DNAJC5B: variants seen among roughly 807,000 people sequenced by gnomAD.
DNAJC5B encodes DnaJ heat shock protein family (Hsp40) member C5 beta, also known as dnaJ homolog subfamily C member 5B.
A neutral mutation model predicts 24.7 loss-of-function variants in DNAJC5B; 23 were observed. The observed-to-expected ratio is 0.93, with a 90% confidence interval of 0.67 to 1.32. The LOEUF (loss-of-function observed/expected upper bound fraction) is 1.32, where lower values mean the gene tolerates loss of function less well. Ranked by LOEUF, DNAJC5B falls within the 40% of genes most tolerant of loss-of-function variation. DNAJC5B has a pLI of 0.00. For synonymous variants in DNAJC5B, 101 were observed against 90.1 expected, an observed-to-expected ratio of 1.12 and a Z score of -0.68; for missense variants, 238 against 240.8, an observed-to-expected ratio of 0.99 and a Z score of 0.08.
Position 66,052,187 on chromosome 8 carries a change from A to G in DNAJC5B, c.119+521A>G, listed in dbSNP as rs545713523. The stretch of plus-strand genomic sequence containing the variant: ...TGGCCAGGCTGGTCTCGAACTCCTG[A>G]CCTCAGGCAATCTGCCCACCTCGGC... On this transcript the variant is annotated intron_variant, in intron 3 of 5. Transcript: ENST00000276570. Among the ~76,000 whole-genome samples the G allele has an allele frequency of 2.8e-4, 42 of 149,624 alleles. No individual in the cohort carries two copies. In the East Asian group the frequency reaches 7.8e-3, roughly 28 times the overall value.
At chr8:66,090,241 G>A (rs1028979914) in intron 5 of DNAJC5B, among the ~76,000 whole-genome samples, 5 of 147,552 alleles carry the variant, frequency 3.4e-5, no homozygotes, top group Non-Finnish European at 3.0e-5. Flanking sequence ...TAGTGTGTGT[G>A]CGTGCAGGCA....
intron 1 of DNAJC5B, among the ~76,000 whole-genome samples, chr8:66,030,757 C>T (rs1806341551): frequency 6.6e-6 from 1 of 152,190 alleles, no homozygotes; most frequent in South Asian, 2.1e-4. Context: ...GTGCCTCAGC[C>T]TCCCGAGTAG....
intron 3 of DNAJC5B, among the ~76,000 whole-genome samples, chr8:66,059,693 G>T (rs1248736346): frequency 6.6e-6 from 1 of 152,192 alleles, no homozygotes; most frequent in East Asian, 1.9e-4. Flanking sequence ...GTCTCCCAGG[G>T]CGTGGGAGGC....
chr8:66,056,120 G>C (rs1479529792), intron 3 of DNAJC5B, among the ~76,000 whole-genome samples: 1 of 152,112 alleles, frequency 6.6e-6, no homozygotes, highest in Non-Finnish European at 1.5e-5. Context: ...GAAATCCCAG[G>C]TCACAGCAGC....
chr8:66,026,427 CGGAGAAGA>C, intron 1 of DNAJC5B, among the ~76,000 whole-genome samples: 1 of 152,276 alleles, frequency 6.6e-6, no homozygotes, highest in Middle Eastern at 3.4e-3. Context: ...CTTGAATTAC[CGGAGAAGA>C]TGCAGCCTTG....
chr8:66,017,508 G>A (rs1044424970), upstream of DNAJC5B, among the ~76,000 whole-genome samples: 1 of 152,302 alleles, frequency 6.6e-6, no homozygotes, highest in Admixed American at 6.5e-5. Flanking sequence ...AGCATAAATA[G>A]TTTGGTTGGT....
intron 5 of DNAJC5B, among the ~76,000 whole-genome samples, chr8:66,085,188 C>T (rs1807693770): frequency 1.3e-5 from 2 of 152,152 alleles, no homozygotes; most frequent in African/African-American, 4.8e-5. Flanking sequence ...ATCTGTAATC[C>T]CAGCAATTTG....
chr8:66,097,428 CTT>C (rs199818749), intron 5 of DNAJC5B, among the ~76,000 whole-genome samples: 1 of 151,902 alleles, frequency 6.6e-6, no homozygotes, highest in East Asian at 1.9e-4. Flanking sequence ...CTATTTCTGA[CTT>C]ATACATTATT....
At chr8:66,026,219 CTGTT>C (rs1237246097) in intron 1 of DNAJC5B, among the ~76,000 whole-genome samples, 4 of 148,274 alleles carry the variant, frequency 2.7e-5, no homozygotes, top group South Asian at 2.2e-4. Context: ...ATTTGGCTCT[CTGTT>C]TGTCTGTTGT....
At chr8:66,068,331 A>T (rs569906355) in intron 3 of DNAJC5B, among the ~76,000 whole-genome samples, 154 of 152,130 alleles carry the variant, frequency 1.0e-3, no homozygotes, top group Middle Eastern at 6.8e-3. Flanking sequence ...ATTTTTTTTT[A>T]AAATCCTGAA....
the DNAJC5B span, among the ~76,000 whole-genome samples, chr8:66,016,476 C>T: frequency 3.3e-5 from 5 of 152,264 alleles, no homozygotes; most frequent in Non-Finnish European, 7.4e-5. Context: ...TTGCCTTCTG[C>T]CATGATTGTA....
intron 1 of DNAJC5B, among the ~76,000 whole-genome samples, chr8:66,039,992 T>C (rs1806572795): frequency 1.3e-5 from 2 of 152,228 alleles, no homozygotes; most frequent in South Asian, 4.1e-4. Context: ...GTTCTTAGTA[T>C]AATTCTTGGC....
upstream of DNAJC5B, among the ~76,000 whole-genome samples, chr8:66,018,386 G>A (rs976583018): frequency 3.8e-5 from 2 of 52,350 alleles, no homozygotes; most frequent in Non-Finnish European, 6.5e-5. Context: ...GGCGTGGTGG[G>A]GGGGGTGCCT....
At chr8:66,047,937 C>T (rs1026323353) in intron 2 of DNAJC5B, among the ~76,000 whole-genome samples, 3 of 152,152 alleles carry the variant, frequency 2.0e-5, no homozygotes, top group South Asian at 2.1e-4. Context: ...TACAGGGCCC[C>T]GCCTCCTGCA....
At chr8:66,040,387 T>A (rs1053597651) in intron 1 of DNAJC5B, among the ~76,000 whole-genome samples, 102 of 147,278 alleles carry the variant, frequency 6.9e-4, no homozygotes, top group Admixed American at 1.1e-3. Flanking sequence ...AGACTCCATT[T>A]AAAAAAAAAA....
chr8:66,028,038 A>G (rs535649470), intron 1 of DNAJC5B, among the ~76,000 whole-genome samples: 6 of 152,354 alleles, frequency 3.9e-5, no homozygotes, highest in African/African-American at 1.4e-4. Context: ...AACTATGTGA[A>G]AAATGTGCGC....
intron 5 of DNAJC5B, among the ~76,000 whole-genome samples, chr8:66,087,888 G>A (rs1170312480): frequency 6.6e-6 from 1 of 152,154 alleles, no homozygotes; most frequent in Non-Finnish European, 1.5e-5. Context: ...GGCTTTTCCA[G>A]GTTCTTGGTG....
chr8:66,031,990 A>G, intron 1 of DNAJC5B, among the ~76,000 whole-genome samples: 1 of 152,246 alleles, frequency 6.6e-6, no homozygotes, highest in East Asian at 1.9e-4. Context: ...TAATTGCCAC[A>G]AAGACCTCCC....
chr8:66,076,936 G>T, intron 4 of DNAJC5B, 63 bp downstream of exon 4: 1 of 1,570,564 alleles, frequency 6.4e-7, no homozygotes, highest in East Asian at 2.3e-5. Context: ...CACTCTTTTA[G>T]ATTCCATCTC....
Sources: gnomAD v4.1 joint callset for allele counts (sites outside exome capture counted in the v4.1 genomes callset) on GRCh38, gnomAD v4.1.1 for gene constraint, MANE v1.5 for transcripts, NCBI Gene and HGNC (gene_info 2026-07-23, HGNC 2026-07-21) for gene names.